The following RCAN2 variants were observed in gnomAD, a reference collection of about 807,000 sequenced individuals.
RCAN2 encodes the protein regulator of calcineurin 2, also known as calcipressin-2.
RCAN2 carries 9 observed loss-of-function variants against 23.6 expected under a neutral mutation model. The ratio of observed to expected loss-of-function variants is 0.38; its 90% CI spans 0.23 to 0.67. The LOEUF is 0.67. RCAN2 is among the 30% of genes least tolerant of loss of function. The pLI, the probability that RCAN2 is intolerant of heterozygous loss-of-function variation, is 0.51. For synonymous variants in RCAN2, 109 were observed against 115.7 expected, an observed-to-expected ratio of 0.94 and a Z score of 0.37; for missense variants, 273 against 302.3, an observed-to-expected ratio of 0.90 and a Z score of 0.72.
chr6:46,407,809 G>T (rs891591378), intron 2 of RCAN2, among the ~76,000 whole-genome samples: 1 of 152,204 alleles, frequency 6.6e-6, no homozygotes, highest in Non-Finnish European at 1.5e-5. Context: ...GCATAATTTT[G>T]CTATGCAGCA....
At chr6:46,325,280 G>A (rs977989566) in intron 2 of RCAN2, 28 of 1,143,712 alleles carry the variant, frequency 2.4e-5, no homozygotes, top group Middle Eastern at 4.0e-4. Context: ...CATTTCTAGC[G>A]CAGACTATGA....
At chr6:46,286,676 G>T (rs1260002571) in intron 2 of RCAN2, among the ~76,000 whole-genome samples, 1 of 152,168 alleles carries the variant, frequency 6.6e-6, no homozygotes, top group South Asian at 2.1e-4. Context: ...TCTCTCTGTG[G>T]ACTGAAGAAC....
At chr6:46,251,943 C>T (rs1373966430) in intron 2 of RCAN2, among the ~76,000 whole-genome samples, 4 of 152,178 alleles carry the variant, frequency 2.6e-5, no homozygotes, top group Non-Finnish European at 2.9e-5. Context: ...AGCTCAGGCA[C>T]CAGGTTTTTC....
chr6:46,291,429 C>A (rs7772923), intron 2 of RCAN2, among the ~76,000 whole-genome samples: 2 of 151,636 alleles, frequency 1.3e-5, no homozygotes, highest in Admixed American at 1.3e-4. Flanking sequence ...GGAGTGCCAC[C>A]GAGTCCCAGC....
At chr6:46,287,050 A>C (rs1480324457) in intron 2 of RCAN2, among the ~76,000 whole-genome samples, 6 of 152,106 alleles carry the variant, frequency 3.9e-5, no homozygotes, top group African/African-American at 1.4e-4. Context: ...CCAACCAGGC[A>C]AAGAAACCTC....
chr6:46,298,074 T>A (rs1762776606), intron 2 of RCAN2, among the ~76,000 whole-genome samples: 2 of 152,152 alleles, frequency 1.3e-5, no homozygotes, highest in Non-Finnish European at 2.9e-5. Context: ...GTCGTTAATT[T>A]ATGTAAATTG....
intron 1 of RCAN2, among the ~76,000 whole-genome samples, chr6:46,462,651 G>A (rs1367630773): frequency 2.6e-5 from 4 of 152,140 alleles, no homozygotes; most frequent in African/African-American, 7.2e-5. Flanking sequence ...AATAAATCTG[G>A]ATGTTAGAGA....
intron 2 of RCAN2, among the ~76,000 whole-genome samples, chr6:46,342,251 G>C (rs1045785148): frequency 6.6e-6 from 1 of 152,162 alleles, no homozygotes; most frequent in African/African-American, 2.4e-5. Flanking sequence ...AAGAGTATCA[G>C]GGCAAATGCT....
At chr6:46,390,526 C>T (rs926870745) in intron 2 of RCAN2, among the ~76,000 whole-genome samples, 6 of 152,190 alleles carry the variant, frequency 3.9e-5, no homozygotes, top group Non-Finnish European at 7.3e-5. Flanking sequence ...AACTTTCCTA[C>T]GTTATTTTTA....
intron 2 of RCAN2, among the ~76,000 whole-genome samples, chr6:46,322,604 G>T (rs1355475615): frequency 6.6e-6 from 1 of 152,248 alleles, no homozygotes; most frequent in Non-Finnish European, 1.5e-5. Context: ...CCTGCTGGTT[G>T]CATCCCCCTA....
intron 2 of RCAN2, among the ~76,000 whole-genome samples, chr6:46,379,703 G>A (rs761914776): frequency 5.3e-5 from 8 of 152,058 alleles, no homozygotes; most frequent in Non-Finnish European, 8.8e-5. Context: ...TCTGTTCCTC[G>A]TTACCCGACT....
intron 2 of RCAN2, among the ~76,000 whole-genome samples, chr6:46,373,262 T>C (rs1173474994): frequency 6.6e-6 from 1 of 152,052 alleles, no homozygotes; most frequent in Non-Finnish European, 1.5e-5. Flanking sequence ...AGTATTTTGG[T>C]TTTATTTATT....
chr6:46,384,009 AG>A (rs1765677038), intron 2 of RCAN2, among the ~76,000 whole-genome samples: 2 of 152,178 alleles, frequency 1.3e-5, no homozygotes, highest in East Asian at 1.9e-4. Context: ...AAGGAAAAAC[AG>A]GGTTCATCTC....
rs373309063 is a variant in RCAN2 at position 46,275,477 on chromosome 6, T to C, written c.226-26581A>G. ...GCCAACACTGGACTTGGCTCCACCA[T>C]CTTCTCTCAAATAGAGACCTCCTCT... On this transcript the variant is annotated intron_variant, in intron 2 of 4. Transcript: ENST00000371374. Among the ~76,000 whole-genome samples the C allele has an allele frequency of 4.6e-5, 7 of 152,328 alleles. No individual in the cohort carries two copies. In the East Asian group the frequency reaches 1.3e-3, roughly 29 times the overall value.
At chr6:46,464,418 T>C (rs1288871285) in intron 1 of RCAN2, among the ~76,000 whole-genome samples, 1 of 152,194 alleles carries the variant, frequency 6.6e-6, no homozygotes, top group Admixed American at 6.5e-5. Flanking sequence ...GGTCTGGCTT[T>C]AGAAGTGGGA....
At chr6:46,346,414 T>C (rs1479603108) in intron 2 of RCAN2, among the ~76,000 whole-genome samples, 2 of 152,254 alleles carry the variant, frequency 1.3e-5, no homozygotes, top group South Asian at 2.1e-4. Context: ...ATGCATCATC[T>C]TTTACTGGTA....
intron 2 of RCAN2, among the ~76,000 whole-genome samples, chr6:46,299,115 A>G (rs1205705807): frequency 6.6e-6 from 1 of 152,050 alleles, no homozygotes; most frequent in Non-Finnish European, 1.5e-5. Flanking sequence ...GGGGAAGAAT[A>G]GGAGGGGGTT....
intron 4 of RCAN2, among the ~76,000 whole-genome samples, chr6:46,238,875 A>C (rs1232238639): frequency 6.6e-6 from 1 of 152,226 alleles, no homozygotes; most frequent in Non-Finnish European, 1.5e-5. Context: ...TAGAAGGCTA[A>C]TATATGGTTT....
At chr6:46,415,385 A>G (rs1047377264) in intron 2 of RCAN2, among the ~76,000 whole-genome samples, 2 of 152,188 alleles carry the variant, frequency 1.3e-5, no homozygotes, top group Non-Finnish European at 2.9e-5. Context: ...CATAAATGAG[A>G]TAAGGAAAAC....
Sources: allele counts gnomAD v4.1 joint callset (sites outside exome capture counted in the v4.1 genomes callset), GRCh38; gene constraint gnomAD v4.1.1; transcripts MANE v1.5; gene names NCBI Gene and HGNC (gene_info 2026-07-23, HGNC 2026-07-21).